GRIK2: variants seen among roughly 807,000 people sequenced by gnomAD.
The protein encoded by GRIK2 is glutamate receptor ionotropic, kainate 2.
A neutral mutation model predicts 100.3 loss-of-function variants in GRIK2; 32 were observed. The observed-to-expected ratio is 0.32, with a 90% CI of 0.24 to 0.43. The LOEUF is 0.43. GRIK2 is among the 20% of genes least tolerant of loss of function. The pLI, the probability that GRIK2 is intolerant of heterozygous loss-of-function variation, is 1.00. For missense variants in GRIK2, 843 were observed against 1,114.9 expected (o/e 0.76, Z 3.47); for synonymous variants, 417 against 389.4 (o/e 1.07, Z -0.83).
At chr6:101,591,290 T>G (rs140181138) in intron 2 of GRIK2, among the ~76,000 whole-genome samples, 9 of 149,696 alleles carry the variant, frequency 6.0e-5, no homozygotes, top group East Asian at 5.9e-4. Context: ...TTTCTCTCCT[T>G]TTTTTTTTGC....
chr6:101,676,782 T>C lies in GRIK2; in HGVS notation c.701T>C (p.Met234Thr). ...GTAATCTTTGATTGTAGCCATGAAA[T>C]GGCAGCAGGCATTTTAAAACAGGTA... ...FHVIFDCSHE[M>T]AAGILKQALA... The change falls in exon 5 of 17, where the codon ATG (methionine) becomes ACG (threonine). Residue 234 changes from methionine (M) to threonine (T), a missense_variant. By Grantham distance (81) the Met-to-Thr change is moderately conservative. Transcript: ENST00000369134. The C allele has an allele frequency of 5.6e-6, 9 of 1,603,504 alleles. No homozygotes were observed. The highest frequency in any genetic ancestry group is 7.7e-6 in the Non-Finnish European group (9 of 1,174,930).
rs184066335 is a variant in GRIK2, at chr6:101,980,734, G to C, written c.2085+52102G>C. Among the ~76,000 whole-genome samples the C allele has an allele frequency of 2.0e-3, 309 of 151,590 alleles. 1 individual carries two copies. Among genetic ancestry groups the C allele is most frequent in the African/African-American group, 7.3e-3 (301 of 41,380 alleles). ...CAAGTTTCTAATACAGCTTAATCAT[G>C]GTTTTATGAAACAGTTATAATGCCA... is the stretch of plus-strand genomic sequence containing the variant. On this transcript the variant is annotated intron_variant, in intron 14 of 16. Transcript: ENST00000369134.
intron 10 of GRIK2, among the ~76,000 whole-genome samples, chr6:101,820,740 C>A (rs575243575): frequency 2.6e-5 from 4 of 152,298 alleles, no homozygotes; most frequent in African/African-American, 7.2e-5. Context: ...CTGCACCCAG[C>A]CTGCTCAATT....
At chr6:101,981,079 G>C (rs755256039) in intron 14 of GRIK2, among the ~76,000 whole-genome samples, 2 of 151,276 alleles carry the variant, frequency 1.3e-5, no homozygotes, top group Non-Finnish European at 2.9e-5. Flanking sequence ...ACCTTGCCTG[G>C]AACACATGTG....
intron 4 of GRIK2, among the ~76,000 whole-genome samples, chr6:101,667,709 AC>A (rs1425346197): frequency 6.6e-6 from 1 of 152,124 alleles, no homozygotes; most frequent in Non-Finnish European, 1.5e-5. Flanking sequence ...GATTTTTGTT[AC>A]AAAGCGTGGA....
chr6:101,922,245 G>A (rs924297248), intron 12 of GRIK2, among the ~76,000 whole-genome samples: 6 of 151,276 alleles, frequency 4.0e-5, no homozygotes, highest in African/African-American at 1.5e-4. Flanking sequence ...GTATAAATTT[G>A]GATATCTCCC....
At chr6:101,978,647 A>G (rs994419099) in intron 14 of GRIK2, among the ~76,000 whole-genome samples, 5 of 151,984 alleles carry the variant, frequency 3.3e-5, no homozygotes, top group African/African-American at 1.2e-4. Context: ...TTCTGGTAGA[A>G]TTGCTGATAT....
intron 5 of GRIK2, among the ~76,000 whole-genome samples, chr6:101,679,173 G>GA (rs913637964): frequency 1.3e-5 from 2 of 152,102 alleles, no homozygotes; most frequent in African/African-American, 4.8e-5. Flanking sequence ...TTTTAGCCTG[G>GA]AAAAAATGTA....
At chr6:101,565,915 T>TA (rs1777234411) in intron 2 of GRIK2, among the ~76,000 whole-genome samples, 12 of 123,310 alleles carry the variant, frequency 9.7e-5, no homozygotes, top group African/African-American at 3.1e-4. Context: ...TATACCTATT[T>TA]TATATATATA....
At chr6:101,996,844 G>A (rs1247356120) in intron 14 of GRIK2, among the ~76,000 whole-genome samples, 2 of 151,918 alleles carry the variant, frequency 1.3e-5, no homozygotes, top group African/African-American at 2.4e-5. Context: ...TCCACCATTG[G>A]CCAATTTTCA....
chr6:101,568,141 A>C (rs1582733937), intron 2 of GRIK2, among the ~76,000 whole-genome samples: 1 of 152,010 alleles, frequency 6.6e-6, no homozygotes, highest in East Asian at 1.9e-4. Flanking sequence ...TCAAATTAAT[A>C]ATACTAAACA....
intron 7 of GRIK2, among the ~76,000 whole-genome samples, chr6:101,789,274 C>T (rs1249555485): frequency 6.6e-6 from 1 of 152,142 alleles, no homozygotes; most frequent in African/African-American, 2.4e-5. Context: ...GACCTGAAGT[C>T]CTTGCCCATG....
At chr6:101,932,337 A>G (rs115983200) in intron 14 of GRIK2, among the ~76,000 whole-genome samples, 1,947 of 152,120 alleles carry the variant, frequency 0.013, 47 homozygotes, top group African/African-American at 0.045. Context: ...TAAAAATGTA[A>G]GCTCCATCCA....
In GRIK2 at chr6:101,488,298, C is replaced by A. The variant is rs182847071; in HGVS notation, c.115+88906C>A. On this transcript the variant is annotated intron_variant, in intron 2 of 16. Transcript: ENST00000369134. Reference sequence around the variant, plus strand: ...GTATAACTTCCATAGTTTATGACTCCCAAAGTCAATGCAATGTCTTCATAG... The same window carrying A: ...GTATAACTTCCATAGTTTATGACTCACAAAGTCAATGCAATGTCTTCATAG... Among the ~76,000 whole-genome samples, 56 of 146,576 alleles carry A rather than the reference C, an allele frequency of 3.8e-4. 7 individuals carry two copies. The highest frequency in any genetic ancestry group is 1.3e-3 in the African/African-American group (52 of 38,572).
intron 14 of GRIK2, among the ~76,000 whole-genome samples, chr6:101,975,900 G>C (rs1161585291): frequency 6.7e-6 from 1 of 149,326 alleles, no homozygotes; most frequent in East Asian, 2.0e-4. Context: ...TTTTTCTTTG[G>C]GGTTAAATTA....
At chr6:101,454,981 A>G (rs931526553) in intron 2 of GRIK2, among the ~76,000 whole-genome samples, 1 of 152,204 alleles carries the variant, frequency 6.6e-6, no homozygotes, top group Non-Finnish European at 1.5e-5. Context: ...TGTTTTAAAA[A>G]ACATAATCCT....
chr6:101,625,296 C>A (rs895012388), intron 3 of GRIK2, among the ~76,000 whole-genome samples: 41 of 152,000 alleles, frequency 2.7e-4, no homozygotes, highest in Non-Finnish European at 5.0e-4. Flanking sequence ...TCGCTTGAAC[C>A]CGGGAGGCAA....
At chr6:102,031,252 T>C (rs1489712256) in intron 14 of GRIK2, among the ~76,000 whole-genome samples, 2 of 151,010 alleles carry the variant, frequency 1.3e-5, no homozygotes, top group Non-Finnish European at 3.0e-5. Context: ...GTCTTAGTGA[T>C]CTCTTCAAAA....
chr6:101,914,798 A>C (rs1788993280), intron 12 of GRIK2, among the ~76,000 whole-genome samples: 1 of 151,614 alleles, frequency 6.6e-6, no homozygotes, highest in Admixed American at 6.6e-5. Context: ...ATTTACATTC[A>C]GTTGTGTTTA....
Sources: gnomAD v4.1 joint callset for allele counts (sites outside exome capture counted in the v4.1 genomes callset) on GRCh38, gnomAD v4.1.1 for gene constraint, MANE v1.5 for transcripts, NCBI Gene and HGNC (gene_info 2026-07-23, HGNC 2026-07-21) for gene names.